Variants in ANKRD1 observed in about 807,000 individuals in gnomAD.
ANKRD1 encodes ankyrin repeat domain-containing protein 1.
In ANKRD1, 32 loss-of-function variants were observed where a neutral mutation model predicts 40.1. The ratio of observed to expected loss-of-function variants is 0.80; its 90% CI spans 0.60 to 1.07. ANKRD1 has a LOEUF of 1.07. Ranked by LOEUF, ANKRD1 falls within the 50% of genes least tolerant of loss-of-function variation. The probability of loss-of-function intolerance (pLI) is 0.00; values close to 1 mark genes in which losing one functional copy is unlikely to be tolerated. For missense variants in ANKRD1, 359 were observed against 386.0 expected (o/e 0.93, Z 0.59); for synonymous variants, 149 against 141.2 (o/e 1.06, Z -0.39).
At chr10:90,916,039 G>T in intron 6 of ANKRD1, 132 bp downstream of exon 6, 1 of 708,934 alleles carries the variant, frequency 1.4e-6, no homozygotes, top group Non-Finnish European at 2.5e-6. Context: ...AGGAGATGGA[G>T]GGGTGGGGGA....
intron 5 of ANKRD1, among the ~76,000 whole-genome samples, chr10:90,916,583 A>G (rs1847376575): frequency 6.6e-6 from 1 of 152,198 alleles, no homozygotes; most frequent in African/African-American, 2.4e-5. Context: ...TTCCAGCAAC[A>G]TTTTGAGGTA....
rs1452417286 is a variant in ANKRD1 at position 90,912,135 on chromosome 10, CATACA to C, written c.*726_*730del. 7.9e-5 allele frequency: 12 copies of C among 151,106 alleles called. No individual in the cohort carries two copies. The highest frequency in any genetic ancestry group is 1.6e-4 in the Non-Finnish European group (11 of 67,830). 9.4% of individuals were successfully genotyped at this position (151,106 alleles called of 1,614,324 possible). A position where few individuals can be genotyped will look rare whatever the true frequency, so the allele number is the denominator to read the frequency against. On this transcript the variant is annotated 3_prime_UTR_variant, in exon 9 of 9. Coordinates refer to ENST00000371697, the MANE Select transcript of ANKRD1 (RefSeq NM_014391.3). Reference sequence around the variant, plus strand: ...GCCTTTATTATGAATATAAAATGTACATACAATACAATATACATTTATACATTTAC... The same window carrying C: ...GCCTTTATTATGAATATAAAATGTACATACAATATACATTTATACATTTAC...
chr10:90,916,518 C>T lies in ANKRD1; in HGVS notation c.553-249G>A, dbSNP rs138930609. Reference sequence around the variant, plus strand: ...TGTTTTAAAAGAATAAGAATGGCCACTTATTGAGACATTTCTCATGCCAAC... The same window carrying T: ...TGTTTTAAAAGAATAAGAATGGCCATTTATTGAGACATTTCTCATGCCAAC... On this transcript the variant is annotated intron_variant, in intron 5 of 8. Transcript: ENST00000371697. Among the ~76,000 whole-genome samples, 8 of 152,264 alleles carry T rather than the reference C, an allele frequency of 5.3e-5. No homozygotes were observed. In the East Asian group the frequency reaches 1.2e-3, roughly 22 times the overall value.
At chr10:90,916,050 G>A in intron 6 of ANKRD1, 121 bp downstream of exon 6, 1 of 591,044 alleles carries the variant, frequency 1.7e-6, no homozygotes, top group Non-Finnish European at 3.0e-6. Context: ...GGGTGGGGGA[G>A]GAGGGAAGGG....
At chr10:90,915,953 C>T (rs1847366009) in intron 6 of ANKRD1, 73 bp from the exon 7 acceptor site, 1 of 1,480,876 alleles carries the variant, frequency 6.8e-7, no homozygotes, top group Admixed American at 1.9e-5. Flanking sequence ...AAGACATGTG[C>T]GAGGGGGAGA....
At position 90,917,674 on chromosome 10, in the gene ANKRD1, C is replaced by T. The variant is rs1847386199; in HGVS notation, c.552+58G>A. ...GCTCGGTTTTGCATTGGAGGTTTTC[C>T]GGAGCTTCATATAGTCTACTTCTTT... On this transcript the variant is annotated intron_variant, in intron 5 of 8. Transcript: ENST00000371697. 11 of 1,486,326 alleles carry T rather than the reference C, an allele frequency of 7.4e-6. No homozygotes were observed. The Admixed American group carries it at 1.2e-4, about 16-fold the overall frequency. 92.1% of individuals were successfully genotyped at this position (1,486,326 alleles called of 1,614,324 possible).
intron 4 of ANKRD1, among the ~76,000 whole-genome samples, chr10:90,918,264 G>A (rs59146072): frequency 0.036 from 5,491 of 152,154 alleles, 322 homozygotes; most frequent in African/African-American, 0.13. Context: ...CTTCAGAAGC[G>A]GTCCCCAATT....
rs1472082048 is a variant in ANKRD1, at chr10:90,916,267, A to AAGCT, written c.553-2_554dup (p.Glu186AlafsTer2). On this transcript the variant is annotated frameshift_variant and splice_region_variant, in exon 6 of 9. Transcript: ENST00000371697. LOFTEE classifies it high-confidence loss of function. The stretch of plus-strand genomic sequence containing the variant: ...TTGCCCAGTGGATGGCTGTGGATTC[A>AAGCT]AGCTATACCGGGAGGGAAGACCCGA... 2 of 1,612,764 alleles carry AAGCT rather than the reference A, an allele frequency of 1.2e-6. No individual in the cohort carries two copies. The highest frequency in any genetic ancestry group is 2.2e-5 in the South Asian group (2 of 91,062).
In ANKRD1 at chr10:90,915,814, C is replaced by A; in HGVS notation, c.718G>T (p.Ala240Ser). Residue 240 changes from alanine (A) to serine (S), a missense_variant, in exon 7 of 9, where the codon GCC (alanine) becomes TCC (serine). Coordinates refer to ENST00000371697, the MANE Select transcript of ANKRD1 (RefSeq NM_014391.3). ...TTGGCGTTGAGGTCTGCCTCACAGG[C>A]GATAAGATGCTCCGCGCACTCATAG... is the stretch of plus-strand genomic sequence containing the variant. ...GHYECAEHLI[A>S]CEADLNAKDR... The A allele has an allele frequency of 2.5e-6, 4 of 1,613,700 alleles. No homozygotes were observed. The highest frequency in any genetic ancestry group is 3.4e-6 in the Non-Finnish European group (4 of 1,179,948).
At chr10:90,916,839 C>T (rs906791875) in intron 5 of ANKRD1, among the ~76,000 whole-genome samples, 5 of 152,096 alleles carry the variant, frequency 3.3e-5, no homozygotes, top group African/African-American at 1.2e-4. Flanking sequence ...ATCTAGGGTC[C>T]CTGTCGCTCT....
In ANKRD1 at chr10:90,912,859, G is replaced by A. The variant is rs749684620; in HGVS notation, c.*7C>T. 16 of 1,612,258 alleles carry A rather than the reference G, an allele frequency of 9.9e-6. No individual in the cohort carries two copies. Among genetic ancestry groups the A allele is most frequent in the South Asian group, 9.9e-5 (9 of 91,042 alleles). ...AACATTTACTGATTAAGAGTCTGTC[G>A]TTTGCCTCAGAATGTAGCTATGCGA... On this transcript the variant is annotated 3_prime_UTR_variant, in exon 9 of 9. Transcript: ENST00000371697.
At chr10:90,918,706 C>T (rs919288006) in intron 4 of ANKRD1, among the ~76,000 whole-genome samples, 159 bp downstream of exon 4, 1 of 151,854 alleles carries the variant, frequency 6.6e-6, no homozygotes, top group African/African-American at 2.4e-5. Context: ...ATTTTTTGGA[C>T]CACTGAACTC....
chr10:90,913,575 C>T (rs191346400), intron 8 of ANKRD1, among the ~76,000 whole-genome samples: 10 of 152,152 alleles, frequency 6.6e-5, no homozygotes, highest in South Asian at 4.1e-4. Flanking sequence ...ATTTTTGAGA[C>T]GAAATTTTGA....
In ANKRD1 at chr10:90,915,552, G is replaced by C; in HGVS notation, c.840C>G (p.Ile280Met). Residue 280 changes from isoleucine (I) to methionine (M), a missense_variant, in exon 8 of 9, where the codon ATC (isoleucine) becomes ATG (methionine). Ile to Met is a conservative substitution (Grantham distance 10). Transcript: ENST00000371697. Reference protein sequence around the residue: ...LLIMYGADLNIKNCAGKTPMD... With the variant: ...LLIMYGADLNMKNCAGKTPMD... ...TGTTTCCAGTACTTACACAGTTCTTGATGTTGAGATCCGCGCCATACATAA... is the reference window on the plus strand; with the variant it reads ...TGTTTCCAGTACTTACACAGTTCTTCATGTTGAGATCCGCGCCATACATAA... 1.2e-6 allele frequency: 2 copies of C among 1,613,484 alleles called. No homozygotes were observed. The highest frequency in any genetic ancestry group is 1.7e-6 in the Non-Finnish European group (2 of 1,179,564).
chr10:90,913,082 A>T (rs1847334959), intron 8 of ANKRD1, 106 bp from the exon 9 acceptor site: 1 of 1,059,606 alleles, frequency 9.4e-7, no homozygotes, highest in Non-Finnish European at 1.5e-6. Context: ...ATGTTATAAC[A>T]GTGTTTTATG....
Position 90,915,561 on chromosome 10 carries a change from A to T in ANKRD1, c.831T>A (p.Asp277Glu), listed in dbSNP as rs1376171458. 6.2e-7 allele frequency: 1 copy of T among 1,613,942 alleles called. No homozygotes were observed. ...MIRLLIMYGADLNIKNCAGKT... is the reference protein window; with the variant it reads ...MIRLLIMYGAELNIKNCAGKT... ...TACTTACACAGTTCTTGATGTTGAGATCCGCGCCATACATAATCAGGAGTC... is the reference window on the plus strand; with the variant it reads ...TACTTACACAGTTCTTGATGTTGAGTTCCGCGCCATACATAATCAGGAGTC... The change falls in exon 8 of 9, where the codon GAT (aspartate) becomes GAA (glutamate). Residue 277 changes from aspartate (D) to glutamate (E), a missense_variant. By Grantham distance (45) the Asp-to-Glu change is conservative (BLOSUM62 2). Coordinates refer to ENST00000371697, the MANE Select transcript of ANKRD1 (RefSeq NM_014391.3).
intron 1 of ANKRD1, 111 bp downstream of exon 1, chr10:90,920,890 C>T (rs1162869132): frequency 2.9e-6 from 3 of 1,041,308 alleles, no homozygotes; most frequent in Non-Finnish European, 4.4e-6. Context: ...CCATATATGA[C>T]ATTTTCAGAG....
At position 90,917,837 on chromosome 10, in the gene ANKRD1, G is replaced by T; in HGVS notation, c.454-7C>A. 6.2e-7 allele frequency: 1 copy of T among 1,608,566 alleles called. No homozygotes were observed. Among genetic ancestry groups the T allele is most frequent in the Non-Finnish European group, 8.5e-7 (1 of 1,175,122 alleles). ...GAAGAGCTGTCCGTTTATACTATCA[G>T]AACAGAGATTTTAAACAGAGATAGC... On this transcript the variant is annotated splice_polypyrimidine_tract_variant and splice_region_variant and intron_variant, in intron 4 of 8. Coordinates refer to ENST00000371697, the MANE Select transcript of ANKRD1 (RefSeq NM_014391.3).
intron 8 of ANKRD1, among the ~76,000 whole-genome samples, chr10:90,914,054 G>T (rs1477607596): frequency 6.6e-6 from 1 of 152,054 alleles, no homozygotes; most frequent in Non-Finnish European, 1.5e-5. Flanking sequence ...TAAATTAGTG[G>T]CCCTATAACC....
Sources: gnomAD v4.1 joint callset for allele counts (sites outside exome capture counted in the v4.1 genomes callset) on GRCh38, gnomAD v4.1.1 for gene constraint, MANE v1.5 for transcripts, NCBI Gene and HGNC (gene_info 2026-07-23, HGNC 2026-07-21) for gene names.